The following LCMT1 variants were observed in gnomAD, a reference collection of about 807,000 sequenced individuals.
LCMT1 encodes leucine carboxyl methyltransferase 1, also known as [Phosphatase 2A protein]-leucine-carboxy methyltransferase 1.
LCMT1 carries 32 observed loss-of-function variants against 47.7 expected under a neutral mutation model. That is an observed-to-expected ratio of 0.67 (90% CI 0.51 to 0.90). LCMT1 has a LOEUF of 0.90. Ranked by LOEUF, LCMT1 falls within the 40% of genes least tolerant of loss-of-function variation. LCMT1 has a pLI of 0.00. For synonymous variants in LCMT1, 152 were observed against 149.7 expected (o/e 1.02, Z -0.11); for missense variants, 375 against 415.2 (o/e 0.90, Z 0.84).
chr16:25,145,980 C>T (rs911033602), intron 4 of LCMT1: 5 of 152,286 alleles, frequency 3.3e-5, no homozygotes, highest in Non-Finnish European at 7.3e-5. Flanking sequence ...CCTCTACCTG[C>T]AGTCTGTCCT....
intron 6 of LCMT1, among the ~76,000 whole-genome samples, chr16:25,161,612 C>T (rs1477459598): frequency 1.3e-5 from 2 of 152,088 alleles, no homozygotes; most frequent in Non-Finnish European, 2.9e-5. Context: ...GCCTTGGCCT[C>T]CCAAAGTGCT....
intron 4 of LCMT1, chr16:25,140,917 C>T (rs905296429): frequency 1.3e-5 from 2 of 152,162 alleles, no homozygotes; most frequent in South Asian, 2.1e-4. Flanking sequence ...CATTTCTGTT[C>T]TATCTCTATT....
chr16:25,125,825 T>C (rs996464629), intron 1 of LCMT1: 4 of 193,108 alleles, frequency 2.1e-5, no homozygotes, highest in South Asian at 3.9e-4. Flanking sequence ...AGAGCAAAAC[T>C]CCATCTCTAA....
chr16:25,134,028 C>T (rs555895128), intron 3 of LCMT1, among the ~76,000 whole-genome samples: 1 of 134,728 alleles, frequency 7.4e-6, no homozygotes, highest in South Asian at 2.3e-4. Flanking sequence ...GAGACTTCGT[C>T]TCTTAAAAAA....
chr16:25,157,831 A>G (rs1258999655), intron 5 of LCMT1, among the ~76,000 whole-genome samples: 1 of 152,206 alleles, frequency 6.6e-6, no homozygotes, highest in Non-Finnish European at 1.5e-5. Context: ...GGGCTAGGCC[A>G]GGGGGTCCCC....
Position 25,140,239 on chromosome 16 carries a change from C to G in LCMT1, c.396C>G (p.His132Gln), listed in dbSNP as rs758877922. Residue 132 changes from histidine (H) to glutamine (Q), a missense_variant, in exon 4 of 11, where the codon CAC (histidine) becomes CAG (glutamine). By Grantham distance (24) the His-to-Gln change is conservative. Transcript: ENST00000399069. ...DFPMIVTRKL[H>Q]SIKCKPPLSS... Reference sequence around the variant, plus strand: ...CAATGATTGTCACGAGAAAGCTGCACAGTATCAAGTAAGTGTGGCATGGCC... The same window carrying G: ...CAATGATTGTCACGAGAAAGCTGCAGAGTATCAAGTAAGTGTGGCATGGCC... 3.2e-5 allele frequency: 51 copies of G among 1,597,210 alleles called. No individual in the cohort carries two copies. The highest frequency in any genetic ancestry group is 3.3e-4 in the Middle Eastern group (2 of 6,066).
At chr16:25,167,537 C>T (rs1481260127) in intron 7 of LCMT1, among the ~76,000 whole-genome samples, 1 of 151,932 alleles carries the variant, frequency 6.6e-6, no homozygotes, top group Non-Finnish European at 1.5e-5. Context: ...GTCTCAAACT[C>T]CTGGCCTCAA....
intron 1 of LCMT1, among the ~76,000 whole-genome samples, chr16:25,124,169 ACT>A (rs1380881529): frequency 6.6e-6 from 1 of 152,102 alleles, no homozygotes; most frequent in Non-Finnish European, 1.5e-5. Context: ...TTTTCAGGAA[ACT>A]CTACACAGTA....
At chr16:25,144,511 A>C (rs1319440303) in intron 4 of LCMT1, 1 of 152,482 alleles carries the variant, frequency 6.6e-6, no homozygotes, top group Non-Finnish European at 1.5e-5. Flanking sequence ...CTGTGCATTG[A>C]TGCTGTGAGT....
chr16:25,156,024 A>G (rs1961247297), intron 5 of LCMT1, among the ~76,000 whole-genome samples: 2 of 152,098 alleles, frequency 1.3e-5, no homozygotes, highest in East Asian at 1.9e-4. Flanking sequence ...AGCCACACAG[A>G]TATCTTACTG....
intron 5 of LCMT1, among the ~76,000 whole-genome samples, chr16:25,152,227 G>A (rs756206532): frequency 6.6e-6 from 1 of 152,166 alleles, no homozygotes; most frequent in African/African-American, 2.4e-5. Flanking sequence ...AGGCAGTTGG[G>A]TTGGATGACA....
chr16:25,126,574 G>A (rs915640977), intron 1 of LCMT1, among the ~76,000 whole-genome samples: 1 of 152,072 alleles, frequency 6.6e-6, no homozygotes, highest in African/African-American at 2.4e-5. Flanking sequence ...TTCTCTCCTT[G>A]TTTACCACTG....
chr16:25,170,934 A>T (rs1961746851), intron 9 of LCMT1, 129 bp downstream of exon 9: 1 of 661,762 alleles, frequency 1.5e-6, no homozygotes, highest in African/African-American at 1.8e-5. Flanking sequence ...AAACAAACAA[A>T]CAAATAAAAA....
chr16:25,161,211 T>C lies in LCMT1; in HGVS notation c.569+7T>C. ...AATGTAACATGAATACACAGTGAGA[T>C]TTTTTTTTTTAAACCTCTTCTGCAT... On this transcript the variant is annotated splice_region_variant and intron_variant, in intron 6 of 10. Coordinates refer to ENST00000399069, the MANE Select transcript of LCMT1 (RefSeq NM_016309.3). 2.9e-6 allele frequency: 3 copies of C among 1,034,840 alleles called. No individual in the cohort carries two copies. Among genetic ancestry groups the C allele is most frequent in the African/African-American group, 1.7e-5 (1 of 58,716 alleles). 64.1% of individuals were successfully genotyped at this position (1,034,840 alleles called of 1,614,324 possible).
chr16:25,173,946 C>G (rs1567330916), intron 9 of LCMT1, among the ~76,000 whole-genome samples: 1 of 152,206 alleles, frequency 6.6e-6, no homozygotes, highest in East Asian at 1.9e-4. Context: ...GAGTCTCGCT[C>G]TGTCACCAAG....
At chr16:25,133,294 C>T (rs553696993) in intron 3 of LCMT1, among the ~76,000 whole-genome samples, 1 of 148,126 alleles carries the variant, frequency 6.8e-6, no homozygotes, top group African/African-American at 2.5e-5. Flanking sequence ...GATTTGGTCT[C>T]TTAACTGCTC....
intron 2 of LCMT1, among the ~76,000 whole-genome samples, chr16:25,131,311 C>G (rs1960343744): frequency 6.6e-6 from 1 of 152,238 alleles, no homozygotes; most frequent in South Asian, 2.1e-4. Flanking sequence ...AGACCCCCAC[C>G]CCACGCCCTG....
At chr16:25,116,656 G>C (rs796481471) in intron 1 of LCMT1, among the ~76,000 whole-genome samples, 1 of 150,546 alleles carries the variant, frequency 6.6e-6, no homozygotes, top group African/African-American at 2.5e-5. Flanking sequence ...GAAGCCAAGC[G>C]GATCACTTGA....
At chr16:25,120,219 G>A (rs971338254) in intron 1 of LCMT1, among the ~76,000 whole-genome samples, 3 of 149,612 alleles carry the variant, frequency 2.0e-5, no homozygotes, top group Non-Finnish European at 1.5e-5. Flanking sequence ...AAATTTTATG[G>A]GTTTTTTTGT....
Sources: gnomAD v4.1 joint callset for allele counts (sites outside exome capture counted in the v4.1 genomes callset) on GRCh38, gnomAD v4.1.1 for gene constraint, MANE v1.5 for transcripts, NCBI Gene and HGNC (gene_info 2026-07-23, HGNC 2026-07-21) for gene names.